RBFOX1: variants seen among roughly 807,000 people sequenced by gnomAD.
The protein encoded by RBFOX1 is RNA binding fox-1 homolog 1, also known as RNA binding protein fox-1 homolog 1.
In RBFOX1, 8 loss-of-function variants were observed where a neutral mutation model predicts 57.7. That is an observed-to-expected ratio of 0.14 (90% CI 0.08 to 0.25). The LOEUF is 0.25. Among genes scored for constraint, RBFOX1 ranks in the 10% least tolerant of loss-of-function variants. The pLI, the probability that RBFOX1 is intolerant of heterozygous loss-of-function variation, is 1.00. For missense variants in RBFOX1, 611 were observed against 548.5 expected, an observed-to-expected ratio of 1.11 and a Z score of -1.14; for synonymous variants, 326 against 222.4, an observed-to-expected ratio of 1.47 and a Z score of -4.15.
intron 4 of RBFOX1, among the ~76,000 whole-genome samples, chr16:7,443,614 T>C (rs1567194299): frequency 6.6e-6 from 1 of 152,142 alleles, no homozygotes; most frequent in Non-Finnish European, 1.5e-5. Context: ...TTAATAGAGT[T>C]CAATGTAATA....
chr16:6,906,663 T>G (rs1328127938), intron 3 of RBFOX1, among the ~76,000 whole-genome samples: 2 of 152,006 alleles, frequency 1.3e-5, no homozygotes, highest in Admixed American at 6.6e-5. Context: ...TCTGAACTCT[T>G]GGGACTTAAA....
intron 1 of RBFOX1, among the ~76,000 whole-genome samples, chr16:6,231,151 G>A (rs997313664): frequency 1.3e-5 from 2 of 151,946 alleles, no homozygotes; most frequent in South Asian, 2.1e-4. Flanking sequence ...TGTTGAGAAG[G>A]GTACAGTCAA....
At chr16:7,124,519 C>T (rs1228681136) in intron 4 of RBFOX1, among the ~76,000 whole-genome samples, 1 of 84,452 alleles carries the variant, frequency 1.2e-5, no homozygotes, top group Non-Finnish European at 2.5e-5. Flanking sequence ...CCCCTCCCCT[C>T]CCCTCCCCTC....
chr16:5,689,710 G>T (rs970288465), intron 3 of RBFOX1, among the ~76,000 whole-genome samples: 8 of 151,900 alleles, frequency 5.3e-5, no homozygotes, highest in African/African-American at 1.9e-4. Context: ...TGAACTGTAT[G>T]TCCCAGGAAC....
chr16:5,562,280 G>T (rs1025444755), intron 2 of RBFOX1, among the ~76,000 whole-genome samples: 4 of 152,212 alleles, frequency 2.6e-5, no homozygotes, highest in African/African-American at 9.6e-5. Flanking sequence ...GTAGGACCCA[G>T]AGCCTCCAGC....
At chr16:6,218,053 T>C (rs1436855201) in intron 1 of RBFOX1, among the ~76,000 whole-genome samples, 1 of 152,076 alleles carries the variant, frequency 6.6e-6, no homozygotes, top group Non-Finnish European at 1.5e-5. Context: ...GAATGAAAAG[T>C]TGTGTAATCA....
intron 4 of RBFOX1, chr16:7,126,350 G>A (rs2068547674): frequency 1.1e-5 from 3 of 263,144 alleles, no homozygotes; most frequent in Non-Finnish European, 2.2e-5. Flanking sequence ...ATCGAGGTGG[G>A]GGTTTTTGGT....
intron 3 of RBFOX1, among the ~76,000 whole-genome samples, chr16:6,839,602 T>G (rs1353336266): frequency 6.6e-6 from 1 of 152,182 alleles, no homozygotes; most frequent in Non-Finnish European, 1.5e-5. Flanking sequence ...GAACTTGTCT[T>G]TCGGGGACCT....
intron 3 of RBFOX1, among the ~76,000 whole-genome samples, chr16:6,689,965 T>C (rs1451653913): frequency 6.6e-6 from 1 of 152,096 alleles, no homozygotes; most frequent in Non-Finnish European, 1.5e-5. Context: ...TTCCCCAGAG[T>C]ATAAGGGCAA....
At chr16:5,840,875 G>A (rs986349388) in intron 3 of RBFOX1, among the ~76,000 whole-genome samples, 2 of 152,182 alleles carry the variant, frequency 1.3e-5, no homozygotes, top group Non-Finnish European at 2.9e-5. Context: ...AGCTTGGACT[G>A]CCAGAAGCTT....
intron 5 of RBFOX1, among the ~76,000 whole-genome samples, chr16:7,531,575 G>A (rs867299027): frequency 6.6e-6 from 1 of 152,136 alleles, no homozygotes; most frequent in Non-Finnish European, 1.5e-5. Context: ...AGTCCATGCT[G>A]GGGTCTTCCA....
At chr16:7,546,174 A>G (rs1377391527) in intron 5 of RBFOX1, among the ~76,000 whole-genome samples, 3 of 151,876 alleles carry the variant, frequency 2.0e-5, no homozygotes, top group Non-Finnish European at 2.9e-5. Context: ...TAAAAATATA[A>G]AAATCAGCCA....
chr16:7,516,427 C>T (rs2152127616), intron 4 of RBFOX1, among the ~76,000 whole-genome samples: 1 of 152,280 alleles, frequency 6.6e-6, no homozygotes, highest in South Asian at 2.1e-4. Context: ...ACCATACAGG[C>T]TGAAAGTGGG....
chr16:6,811,164 T>TTAAG (rs2088457875), intron 3 of RBFOX1, among the ~76,000 whole-genome samples: 1 of 152,138 alleles, frequency 6.6e-6, no homozygotes, highest in Non-Finnish European at 1.5e-5. Flanking sequence ...GAAGGAAGAA[T>TTAAG]TAAGTGATAT....
chr16:5,702,517 G>C (rs1384194824), intron 3 of RBFOX1, among the ~76,000 whole-genome samples: 1 of 152,228 alleles, frequency 6.6e-6, no homozygotes, highest in Non-Finnish European at 1.5e-5. Flanking sequence ...GATAATTGCT[G>C]TGCAGATGTC....
rs984470774 is a variant in RBFOX1 at position 5,888,622 on chromosome 16, C to A, written c.351+21287C>A. ...ACCAGCCTGACCAACATGGGGAAAC[C>A]TCGTCTCTACTAAAAATACAAAATC... On this transcript the variant is annotated intron_variant, in intron 4 of 19. Coordinates refer to the RBFOX1 transcript ENST00000641259. 3.3e-5 allele frequency among the ~76,000 whole-genome samples: 5 copies of A among 152,026 alleles called. No homozygotes were observed. The East Asian group carries it at 9.7e-4, about 29-fold the overall frequency.
At chr16:5,785,256 C>T (rs2054461568) in intron 3 of RBFOX1, among the ~76,000 whole-genome samples, 1 of 152,146 alleles carries the variant, frequency 6.6e-6, no homozygotes, top group Non-Finnish European at 1.5e-5. Context: ...TGTTCAACCT[C>T]AACTAAGGAA....
At chr16:7,040,936 G>A (rs1314709015) in intron 3 of RBFOX1, among the ~76,000 whole-genome samples, 11 of 146,222 alleles carry the variant, frequency 7.5e-5, no homozygotes, top group Non-Finnish European at 1.3e-4. Context: ...GCTGGGGGGG[G>A]AAGGAGTCTT....
chr16:6,060,449 G>A (rs1270819925), intron 1 of RBFOX1, among the ~76,000 whole-genome samples: 1 of 152,152 alleles, frequency 6.6e-6, no homozygotes, highest in Non-Finnish European at 1.5e-5. Flanking sequence ...TATACTCTTA[G>A]GAGAAGCTTC....
Sources: gnomAD v4.1 joint callset for allele counts (sites outside exome capture counted in the v4.1 genomes callset) on GRCh38, gnomAD v4.1.1 for gene constraint, MANE v1.5 for transcripts, NCBI Gene and HGNC (gene_info 2026-07-23, HGNC 2026-07-21) for gene names.